Variants in CTNNB1 observed in about 807,000 individuals in gnomAD.
CTNNB1 encodes the protein catenin beta-1.
Under a neutral mutation model 82.5 loss-of-function variants are expected in CTNNB1, and 6 were observed. That is an observed-to-expected ratio of 0.07 (90% CI 0.04 to 0.14). The LOEUF (loss-of-function observed/expected upper bound fraction) is 0.14. CTNNB1 is among the 10% of genes least tolerant of loss of function. The probability of loss-of-function intolerance (pLI) is 1.00; values close to 1 mark genes in which losing one functional copy is unlikely to be tolerated. For missense variants in CTNNB1, 529 were observed against 980.4 expected (o/e 0.54, Z 6.15); for synonymous variants, 312 against 329.7 (o/e 0.95, Z 0.58).
At position 41,224,014 on chromosome 3, in the gene CTNNB1, T is replaced by C. The variant is rs1371106237; in HGVS notation, c.-48-7T>C. 9 of 1,594,000 alleles carry C rather than the reference T, an allele frequency of 5.6e-6. No individual in the cohort carries two copies. In the East Asian group the frequency reaches 1.8e-4, roughly 32 times the overall value. On this transcript the variant is annotated splice_region_variant and splice_polypyrimidine_tract_variant and intron_variant, in intron 1 of 14. Coordinates refer to ENST00000349496, the MANE Select transcript of CTNNB1 (RefSeq NM_001904.4). ...AATCCTAATGACTTTTGATTAACTT[T>C]TTTTAGGGTATTTGAAGTATACCAT...
intron 1 of CTNNB1, among the ~76,000 whole-genome samples, chr3:41,206,175 T>C (rs1162974861): frequency 6.6e-6 from 1 of 152,230 alleles, no homozygotes; most frequent in African/African-American, 2.4e-5. Context: ...CTAATTCTTT[T>C]TAACTGACTT....
In CTNNB1 at chr3:41,236,693, C is replaced by T. The variant is rs2078444490; in HGVS notation, c.2060C>T (p.Pro687Leu). ...ACCAGCTCTCTCTTCAGAACAGAGC[C>T]AATGGCTTGGAATGAGGTAGGGAAA... ...ELTSSLFRTEPMAWNETADLG... is the reference protein window; with the variant it reads ...ELTSSLFRTELMAWNETADLG... The change falls in exon 13 of 15, where the codon CCA becomes CTA. Residue 687 changes from proline (P) to leucine (L), a missense_variant. Coordinates refer to ENST00000349496, the MANE Select transcript of CTNNB1 (RefSeq NM_001904.4). The T allele has an allele frequency of 6.2e-7, 1 of 1,614,142 alleles. No individual in the cohort carries two copies. The highest frequency in any genetic ancestry group is 8.5e-7 in the Non-Finnish European group (1 of 1,179,992).
chr3:41,204,459 T>G (rs531545950), intron 1 of CTNNB1, among the ~76,000 whole-genome samples: 6 of 152,332 alleles, frequency 3.9e-5, no homozygotes, highest in East Asian at 3.9e-4. Flanking sequence ...AAGCCTTATA[T>G]AGGATTGGTC....
rs11564444 is a variant in CTNNB1, at chr3:41,224,285, T to C, written c.13+204T>C. 1.1e-4 allele frequency: 77 copies of C among 728,752 alleles called. No individual in the cohort carries two copies. The African/African-American group carries it at 1.3e-3, about 12-fold the overall frequency. 45.1% of individuals were successfully genotyped at this position (728,752 alleles called of 1,614,324 possible). ...GGAATCTAGTCTGGATGACTGCTTC[T>C]GGAGCCTGGATGCAGTACCATTCTT... On this transcript the variant is annotated intron_variant, in intron 2 of 14. Transcript: ENST00000349496.
At position 41,225,307 on chromosome 3, in the gene CTNNB1, C is replaced by T. The variant is rs148796283; in HGVS notation, c.496-27C>T. The T allele has an allele frequency of 1.6e-5, 26 of 1,613,668 alleles. No individual in the cohort carries two copies. The highest frequency in any genetic ancestry group is 1.2e-4 in the African/African-American group (9 of 75,026). Reference sequence around the variant, plus strand: ...CCCAATACCAGTACTTGAAAACTAACGATGTTTCTGAATTCCTGTATTACA... The same window carrying T: ...CCCAATACCAGTACTTGAAAACTAATGATGTTTCTGAATTCCTGTATTACA... On this transcript the variant is annotated intron_variant, in intron 4 of 14. Transcript: ENST00000349496. The surrounding 1 kb of genome is among the most constrained non-coding windows in gnomAD (Gnocchi z 5.3).
intron 7 of CTNNB1, among the ~76,000 whole-genome samples, chr3:41,230,117 G>C (rs1370880487): frequency 6.6e-6 from 1 of 152,118 alleles, no homozygotes; most frequent in Non-Finnish European, 1.5e-5. Context: ...TTTTACTTGG[G>C]AATTTATGAG....
intron 1 of CTNNB1, among the ~76,000 whole-genome samples, chr3:41,212,022 C>T (rs2077803953): frequency 1.3e-5 from 2 of 152,214 alleles, no homozygotes; most frequent in African/African-American, 4.8e-5. Context: ...TATCCTTCAT[C>T]ACCTGTTACT....
intron 7 of CTNNB1, among the ~76,000 whole-genome samples, chr3:41,229,742 G>A (rs914436240): frequency 1.3e-5 from 2 of 152,164 alleles, no homozygotes; most frequent in Admixed American, 6.5e-5. Flanking sequence ...AATAGATGTC[G>A]TCTAAGTATG....
intron 14 of CTNNB1, 89 bp downstream of exon 14, chr3:41,238,165 C>G (rs2078485721): frequency 8.5e-7 from 1 of 1,169,896 alleles, no homozygotes. Flanking sequence ...ATCTGGGAAA[C>G]CAGTGTTGGC....
In CTNNB1 at chr3:41,215,365, A is replaced by G. The variant is rs1233547911; in HGVS notation, c.-48-8656A>G. ...GCCACTGCACTCCAGCCTGGGCAAC[A>G]GAGTGAAACACCATCTCAAAAAAAA... is the stretch of plus-strand genomic sequence containing the variant. On this transcript the variant is annotated intron_variant, in intron 1 of 14. Coordinates refer to ENST00000349496, the MANE Select transcript of CTNNB1 (RefSeq NM_001904.4). 3.0e-5 allele frequency among the ~76,000 whole-genome samples: 4 copies of G among 134,454 alleles called. No individual in the cohort carries two copies. In the Admixed American group the frequency reaches 3.3e-4, roughly 11 times the overall value. 88.2% of individuals were successfully genotyped at this position (134,454 alleles called of 152,430 possible).
chr3:41,209,554 G>A (rs1242653896), intron 1 of CTNNB1, among the ~76,000 whole-genome samples: 1 of 152,086 alleles, frequency 6.6e-6, no homozygotes, highest in Non-Finnish European at 1.5e-5. Context: ...TTTTATGATG[G>A]GGATACATTC....
intron 12 of CTNNB1, 30 bp downstream of exon 12, chr3:41,236,529 A>G: frequency 6.2e-7 from 1 of 1,614,224 alleles, no homozygotes; most frequent in Non-Finnish European, 8.5e-7. Context: ...AGCCTTTAGC[A>G]GATGTGTACA....
In CTNNB1 at chr3:41,225,075, T is replaced by C. The variant is rs2125620394; in HGVS notation, c.363T>C (p.Asn121=). Residue 121 remains asparagine, a synonymous_variant, in exon 4 of 15, where the codon AAT becomes AAC. Coordinates refer to ENST00000349496, the MANE Select transcript of CTNNB1 (RefSeq NM_001904.4). This position sits in a 1 kb window ranked among gnomAD's most constrained non-coding sequence, Gnocchi z 5.3. ...AGTTTGATGCTGCTCATCCCACTAA[T>C]GTCCAGCGTTTGGCTGAACCATCAC... ...STQFDAAHPT[N]VQRLAEPSQM... 7 of 1,614,140 alleles carry C rather than the reference T, an allele frequency of 4.3e-6. No homozygotes were observed. The highest frequency in any genetic ancestry group is 5.9e-6 in the Non-Finnish European group (7 of 1,180,000).
chr3:41,225,655 C>G lies in CTNNB1; in HGVS notation c.735-5C>G. On this transcript the variant is annotated splice_region_variant and splice_polypyrimidine_tract_variant and intron_variant, in intron 5 of 14. Transcript: ENST00000349496. The surrounding 1 kb of genome is among the most constrained non-coding windows in gnomAD (Gnocchi z 5.3). Reference sequence around the variant, plus strand: ...TTTCTGATGAGGCTTTTTTCTTCTTCCCAGTTCACCAGTGGATTCTGTGTT... The same window carrying G: ...TTTCTGATGAGGCTTTTTTCTTCTTGCCAGTTCACCAGTGGATTCTGTGTT... 1.9e-6 allele frequency: 3 copies of G among 1,614,066 alleles called. No homozygotes were observed. The highest frequency in any genetic ancestry group is 2.5e-6 in the Non-Finnish European group (3 of 1,179,946).
chr3:41,204,646 C>T (rs151101663), intron 1 of CTNNB1, among the ~76,000 whole-genome samples: 1 of 152,314 alleles, frequency 6.6e-6, no homozygotes, highest in Admixed American at 6.5e-5. Context: ...GATTTCTTTC[C>T]CCTAAGTGGG....
intron 1 of CTNNB1, among the ~76,000 whole-genome samples, chr3:41,202,531 A>G (rs1454522548): frequency 1.3e-5 from 2 of 152,190 alleles, no homozygotes; most frequent in East Asian, 1.9e-4. Flanking sequence ...GAACATTTTT[A>G]TACCATAAAA....
At chr3:41,223,945 A>G in intron 1 of CTNNB1, 76 bp from the exon 2 acceptor site, 2 of 1,064,066 alleles carry the variant, frequency 1.9e-6, no homozygotes, top group Non-Finnish European at 2.9e-6. Flanking sequence ...GTGACATTTA[A>G]CAGGTATCCC....
intron 13 of CTNNB1, 177 bp downstream of exon 13, chr3:41,236,886 T>C: frequency 1.4e-6 from 1 of 727,278 alleles, no homozygotes; most frequent in Non-Finnish European, 2.3e-6. Context: ...ATACAAGCTT[T>C]AAAGAGTCTG....
intron 1 of CTNNB1, among the ~76,000 whole-genome samples, chr3:41,206,834 T>TAGACCC (rs1380610490): frequency 1.3e-5 from 2 of 152,156 alleles, no homozygotes; most frequent in Non-Finnish European, 2.9e-5. Flanking sequence ...AGTGCTGGGG[T>TAGACCC]AGACCCTTAA....
Sources: allele counts gnomAD v4.1 joint callset (sites outside exome capture counted in the v4.1 genomes callset), GRCh38; gene constraint gnomAD v4.1.1; non-coding constraint Gnocchi (gnomAD v3.1); transcripts MANE v1.5; gene names NCBI Gene and HGNC (gene_info 2026-07-23, HGNC 2026-07-21).